The following SPTA1 variants were observed in gnomAD, a reference collection of about 807,000 sequenced individuals.
SPTA1 encodes spectrin alpha, erythrocytic 1, also known as spectrin alpha chain, erythrocytic 1.
In SPTA1, 177 loss-of-function variants were observed where a neutral mutation model predicts 324.7. The observed-to-expected ratio is 0.55, with a 90% CI of 0.48 to 0.62. The LOEUF (loss-of-function observed/expected upper bound fraction) is 0.62, where lower values mean the gene tolerates loss of function less well. SPTA1 is among the 20% of genes least tolerant of loss of function. SPTA1 has a pLI of 0.00. For missense variants in SPTA1, 3,162 were observed against 2,883.6 expected (o/e 1.10, Z -2.21); for synonymous variants, 1,195 against 1,041.3 (o/e 1.15, Z -2.84).
intron 33 of SPTA1, 83 bp downstream of exon 33, chr1:158,642,328 A>C: frequency 2.1e-6 from 3 of 1,419,762 alleles, no homozygotes; most frequent in Non-Finnish European, 2.8e-6. Context: ...AATTAAAAAA[A>C]ATACAATAAA....
chr1:158,683,797 T>G (rs1181557954), intron 2 of SPTA1, among the ~76,000 whole-genome samples: 1 of 150,706 alleles, frequency 6.6e-6, no homozygotes, highest in East Asian at 2.0e-4. Flanking sequence ...GATTTTTTTT[T>G]GGAAGTAGAG....
chr1:158,651,336 AGTGAGGAGGAATGG>A lies in SPTA1; in HGVS notation c.3477+17_3477+30del. 1 of 1,454,144 alleles carries A rather than the reference AGTGAGGAGGAATGG, an allele frequency of 6.9e-7. No homozygotes were observed. Among genetic ancestry groups the A allele is most frequent in the South Asian group, 1.1e-5 (1 of 87,806 alleles). The allele number at this position is 1,454,144 out of a possible 1,614,324, so 90.1% of individuals were successfully genotyped here. The stretch of plus-strand genomic sequence containing the variant: ...GAGGACTCCCAAAGCCCAACCTGGT[AGTGAGGAGGAATGG>A]AGGGAGCCTTAGTTACCTGCCGGAT... On this transcript the variant is annotated intron_variant, in intron 24 of 51. Coordinates refer to ENST00000643759, the MANE Select transcript of SPTA1 (RefSeq NM_003126.4).
intron 20 of SPTA1, 63 bp downstream of exon 20, chr1:158,656,501 A>T: frequency 6.8e-7 from 1 of 1,469,636 alleles, no homozygotes. Context: ...ATCAGCAATA[A>T]AGACAATTTC....
intron 8 of SPTA1, 91 bp downstream of exon 8, chr1:158,676,050 A>T: frequency 6.4e-7 from 1 of 1,566,470 alleles, no homozygotes; most frequent in Non-Finnish European, 8.8e-7. Context: ...TTCTCTCGCT[A>T]TTTGACTCCC....
At position 158,676,116 on chromosome 1, in the gene SPTA1, G is replaced by A. The variant is rs761534414; in HGVS notation, c.1112+25C>T. 1.4e-5 allele frequency: 22 copies of A among 1,612,830 alleles called. No individual in the cohort carries two copies. In the South Asian group the frequency reaches 2.2e-4, roughly 16 times the overall value. On this transcript the variant is annotated intron_variant, in intron 8 of 51. Coordinates refer to ENST00000643759, the MANE Select transcript of SPTA1 (RefSeq NM_003126.4). Reference sequence around the variant, plus strand: ...TCTGGGCCCTGTAGAGATAGGTAGAGCAATAAAGGGGAGGGATTTCCCACC... The same window carrying A: ...TCTGGGCCCTGTAGAGATAGGTAGAACAATAAAGGGGAGGGATTTCCCACC...
At chr1:158,662,597 G>T in intron 17 of SPTA1, 105 bp downstream of exon 17, 1 of 1,513,310 alleles carries the variant, frequency 6.6e-7, no homozygotes, top group Non-Finnish European at 9.0e-7. Context: ...AGAAGAAACA[G>T]CTAAGAGCAA....
chr1:158,660,829 A>G (rs1016797041), intron 18 of SPTA1, among the ~76,000 whole-genome samples: 2 of 152,332 alleles, frequency 1.3e-5, no homozygotes, highest in Admixed American at 6.5e-5. Flanking sequence ...GGATGAAAAG[A>G]ATGAACAGAG....
At chr1:158,621,927 C>T (rs1001870384) in intron 43 of SPTA1, among the ~76,000 whole-genome samples, 7 of 152,306 alleles carry the variant, frequency 4.6e-5, no homozygotes, top group South Asian at 4.1e-4. Context: ...ACAGTGGCCG[C>T]GATCTGGGCT....
intron 47 of SPTA1, 70 bp from the exon 48 acceptor site, chr1:158,615,473 A>T: frequency 6.9e-7 from 1 of 1,448,208 alleles, no homozygotes; most frequent in Non-Finnish European, 9.7e-7. Flanking sequence ...GAGGTGGAAG[A>T]GGAGATAACA....
At chr1:158,677,265 A>G (rs1239710080) in intron 7 of SPTA1, among the ~76,000 whole-genome samples, 3 of 152,146 alleles carry the variant, frequency 2.0e-5, no homozygotes, top group Admixed American at 2.0e-4. Flanking sequence ...TTAAAAGGAG[A>G]AGACAATGTT....
intron 10 of SPTA1, 139 bp from the exon 11 acceptor site, chr1:158,672,335 A>ATCCCAGCACTTTGGGAGGCCGAG: frequency 2.4e-6 from 2 of 832,956 alleles, no homozygotes; most frequent in Non-Finnish European, 1.9e-6. Context: ...CCAACTTTTA[A>ATCCCAGCACTTTGGGAGGCCGAG]GCAAATGATT....
chr1:158,639,196 G>T (rs1048644873), intron 35 of SPTA1: 15 of 257,874 alleles, frequency 5.8e-5, no homozygotes, highest in Admixed American at 2.5e-4. Flanking sequence ...TGTTTGTGTA[G>T]TTCATCTTCA....
chr1:158,662,183 A>T (rs1019538546), intron 17 of SPTA1, among the ~76,000 whole-genome samples: 3 of 152,174 alleles, frequency 2.0e-5, no homozygotes, highest in Non-Finnish European at 4.4e-5. Context: ...GATGTTTCCA[A>T]ACTATGCATA....
rs563696264 is a variant in SPTA1, at chr1:158,685,829, C to T, written c.25-482G>A. Among the ~76,000 whole-genome samples the T allele has an allele frequency of 7.2e-5, 11 of 152,184 alleles. No homozygotes were observed. The South Asian group carries it at 2.3e-3, about 32-fold the overall frequency. ...GTTTGAAAATTTTGTTTCCTTCATA[C>T]TTAAAAATAAATCTCATATATTTAC... On this transcript the variant is annotated intron_variant, in intron 1 of 51. Transcript: ENST00000643759.
intron 11 of SPTA1, 65 bp downstream of exon 11, chr1:158,671,994 G>C (rs1242574906): frequency 6.3e-7 from 1 of 1,599,472 alleles, no homozygotes; most frequent in South Asian, 1.1e-5. Context: ...ACTCATGGTA[G>C]TCATGGTGGC....
intron 16 of SPTA1, among the ~76,000 whole-genome samples, chr1:158,665,667 A>G (rs1653542215): frequency 6.6e-6 from 1 of 152,196 alleles, no homozygotes; most frequent in Non-Finnish European, 1.5e-5. Context: ...ACATCAGTTC[A>G]TTGTTCTGGC....
At chr1:158,633,660 C>A (rs369222641) in intron 39 of SPTA1, among the ~76,000 whole-genome samples, 136 of 97,418 alleles carry the variant, frequency 1.4e-3, no homozygotes, top group African/African-American at 5.5e-3. Context: ...GACTCTGTCT[C>A]GAAAAAAAAA....
Position 158,677,687 on chromosome 1 carries a change from T to C in SPTA1, c.957+3A>G. ...GTTAGCCATTTCTCTAACAGCGCAT[T>C]ACCTTGTCACTCATGACAGCAAGAT... is the stretch of plus-strand genomic sequence containing the variant. On this transcript the variant is annotated splice_donor_region_variant and intron_variant, in intron 7 of 51. Transcript: ENST00000643759. The C allele has an allele frequency of 6.2e-7, 1 of 1,613,224 alleles. No individual in the cohort carries two copies. Among genetic ancestry groups the C allele is most frequent in the Non-Finnish European group, 8.5e-7 (1 of 1,179,558 alleles).
At chr1:158,644,192 T>G in intron 30 of SPTA1, 61 bp downstream of exon 30, 1 of 1,595,280 alleles carries the variant, frequency 6.3e-7, no homozygotes, top group South Asian at 1.1e-5. Context: ...GACAAATGTG[T>G]AGGATTTCTG....
Sources: gnomAD v4.1 joint callset for allele counts (sites outside exome capture counted in the v4.1 genomes callset) on GRCh38, gnomAD v4.1.1 for gene constraint, MANE v1.5 for transcripts, NCBI Gene and HGNC (gene_info 2026-07-23, HGNC 2026-07-21) for gene names.